The following GRID2 variants were observed in gnomAD, a reference collection of about 807,000 sequenced individuals.
GRID2 encodes glutamate receptor ionotropic, delta-2.
GRID2 carries 33 observed loss-of-function variants against 114.8 expected under a neutral mutation model. The observed-to-expected ratio is 0.29, with a 90% confidence interval of 0.22 to 0.38. The LOEUF is 0.38. Ranked by LOEUF, GRID2 falls within the 10% of genes least tolerant of loss-of-function variation. GRID2 has a pLI of 1.00. For missense variants in GRID2, 1,184 were observed against 1,257.7 expected (o/e 0.94, Z 0.89); for synonymous variants, 505 against 449.9 (o/e 1.12, Z -1.55).
intron 1 of GRID2, among the ~76,000 whole-genome samples, chr4:92,439,070 A>G (rs1029959010): frequency 3.3e-5 from 5 of 151,658 alleles, no homozygotes; most frequent in African/African-American, 1.2e-4. Flanking sequence ...AAGGGAGATA[A>G]GGGTGGGGCC....
chr4:92,758,066 G>A (rs1737817995), intron 2 of GRID2, among the ~76,000 whole-genome samples: 1 of 152,036 alleles, frequency 6.6e-6, no homozygotes, highest in African/African-American at 2.4e-5. Flanking sequence ...AGAAGTGCAT[G>A]TGGACACTTA....
chr4:93,763,606 G>GC (rs1467134883), intron 14 of GRID2, among the ~76,000 whole-genome samples: 1 of 152,172 alleles, frequency 6.6e-6, no homozygotes, highest in African/African-American at 2.4e-5. Flanking sequence ...AGAGAAATGT[G>GC]CTGGAAGGCA....
At chr4:93,059,870 A>T (rs1165335535) in intron 2 of GRID2, among the ~76,000 whole-genome samples, 1 of 152,052 alleles carries the variant, frequency 6.6e-6, no homozygotes, top group African/African-American at 2.4e-5. Context: ...TACTGGATAA[A>T]ACAAGGTCAT....
rs563812605 is a variant in GRID2, at chr4:92,919,563, A to G, written c.245-165432A>G. Among the ~76,000 whole-genome samples the G allele has an allele frequency of 3.9e-5, 6 of 152,140 alleles. No homozygotes were observed. The South Asian group carries it at 1.0e-3, about 26-fold the overall frequency. ...TCTGGTATGTTGTGTCTTTGTTCTC[A>G]TTGGTTTCAAAGAACATCTTTATTT... On this transcript the variant is annotated intron_variant, in intron 2 of 15. Coordinates refer to ENST00000282020, the MANE Select transcript of GRID2 (RefSeq NM_001510.4).
chr4:92,740,146 C>G (rs934937476), intron 2 of GRID2, among the ~76,000 whole-genome samples: 1 of 151,998 alleles, frequency 6.6e-6, no homozygotes, highest in African/African-American at 2.4e-5. Flanking sequence ...TAGTCAATGC[C>G]CATTTAAAGG....
intron 2 of GRID2, among the ~76,000 whole-genome samples, chr4:92,954,129 C>T (rs1752217632): frequency 6.6e-6 from 1 of 151,740 alleles, no homozygotes; most frequent in African/African-American, 2.4e-5. Flanking sequence ...AGGTCGAAAG[C>T]ACATTAAAAG....
intron 14 of GRID2, among the ~76,000 whole-genome samples, chr4:93,627,311 A>G (rs1208122229): frequency 1.3e-5 from 2 of 152,182 alleles, no homozygotes; most frequent in Non-Finnish European, 2.9e-5. Flanking sequence ...ATTTCAAACA[A>G]CTTGAGTTAT....
intron 2 of GRID2, among the ~76,000 whole-genome samples, chr4:92,751,358 C>G (rs1052619769): frequency 6.6e-6 from 1 of 152,012 alleles, no homozygotes; most frequent in African/African-American, 2.4e-5. Flanking sequence ...TATTTGTCAG[C>G]TATAAGGCAA....
chr4:93,221,146 C>T (rs753658570), intron 6 of GRID2, among the ~76,000 whole-genome samples: 1 of 152,098 alleles, frequency 6.6e-6, no homozygotes, highest in East Asian at 1.9e-4. Context: ...AAGAATTTTG[C>T]TAAGATAAAG....
intron 8 of GRID2, among the ~76,000 whole-genome samples, chr4:93,311,013 T>C (rs1755953103): frequency 1.3e-5 from 2 of 152,176 alleles, no homozygotes; most frequent in Non-Finnish European, 2.9e-5. Flanking sequence ...CAATTGGAAC[T>C]CAGAGGGTTA....
chr4:93,036,412 A>T (rs1045816068), intron 2 of GRID2, among the ~76,000 whole-genome samples: 23 of 152,172 alleles, frequency 1.5e-4, no homozygotes, highest in Admixed American at 1.2e-3. Context: ...TTATGGTAAA[A>T]CAATCCTGTA....
intron 2 of GRID2, among the ~76,000 whole-genome samples, chr4:92,772,420 G>A (rs767648575): frequency 3.3e-4 from 50 of 151,832 alleles, no homozygotes; most frequent in African/African-American, 1.0e-3. Flanking sequence ...AGTTTATGGC[G>A]TTTGAGTCAA....
intron 2 of GRID2, among the ~76,000 whole-genome samples, chr4:92,597,956 T>G (rs535822962): frequency 6.6e-6 from 1 of 152,296 alleles, no homozygotes; most frequent in South Asian, 2.1e-4. Context: ...TATCCAACTT[T>G]TATATGATCC....
intron 1 of GRID2, among the ~76,000 whole-genome samples, chr4:92,312,631 G>GTATTTC (rs145059494): frequency 0.17 from 26,238 of 151,830 alleles, 3,178 homozygotes; most frequent in African/African-American, 0.35. Flanking sequence ...ATTAAATTTT[G>GTATTTC]TATTAGACAT....
At chr4:92,889,796 C>T (rs1746623696) in intron 2 of GRID2, among the ~76,000 whole-genome samples, 1 of 152,068 alleles carries the variant, frequency 6.6e-6, no homozygotes, top group South Asian at 2.1e-4. Flanking sequence ...CAAAAAAGAG[C>T]CCATATAGCC....
intron 2 of GRID2, among the ~76,000 whole-genome samples, chr4:92,790,930 C>T (rs752991411): frequency 2.0e-5 from 3 of 151,680 alleles, no homozygotes; most frequent in Non-Finnish European, 2.9e-5. Context: ...ATTTCCACTA[C>T]GTAAGCCTTA....
intron 2 of GRID2, among the ~76,000 whole-genome samples, chr4:92,640,124 A>T (rs982207968): frequency 6.6e-6 from 1 of 151,774 alleles, no homozygotes; most frequent in Non-Finnish European, 1.5e-5. Flanking sequence ...CTTTTAGAAT[A>T]TTGTTTTTCT....
intron 2 of GRID2, among the ~76,000 whole-genome samples, chr4:92,945,499 C>T (rs1159501089): frequency 6.6e-6 from 1 of 152,054 alleles, no homozygotes; most frequent in African/African-American, 2.4e-5. Flanking sequence ...GATACCAAGA[C>T]AATTAATACT....
intron 11 of GRID2, among the ~76,000 whole-genome samples, chr4:93,480,274 C>T (rs1725720527): frequency 6.6e-6 from 1 of 151,786 alleles, no homozygotes; most frequent in Non-Finnish European, 1.5e-5. Context: ...ATTAAAAATG[C>T]CAAAAAAGGA....
Sources: allele counts gnomAD v4.1 joint callset (sites outside exome capture counted in the v4.1 genomes callset), GRCh38; gene constraint gnomAD v4.1.1; transcripts MANE v1.5; gene names NCBI Gene and HGNC (gene_info 2026-07-23, HGNC 2026-07-21).